The following VGLL4 variants were observed in gnomAD, a reference collection of about 807,000 sequenced individuals.
The protein encoded by VGLL4 is transcription cofactor vestigial-like protein 4.
A neutral mutation model predicts 21.0 loss-of-function variants in VGLL4; 7 were observed. That is an observed-to-expected ratio of 0.33 (90% CI 0.19 to 0.63). VGLL4 has a LOEUF of 0.63. VGLL4 is among the 20% of genes least tolerant of loss of function. The pLI, the probability that VGLL4 is intolerant of heterozygous loss-of-function variation, is 0.78. For synonymous variants in VGLL4, 222 were observed against 173.2 expected, an observed-to-expected ratio of 1.28 and a Z score of -2.21; for missense variants, 394 against 425.7, an observed-to-expected ratio of 0.93 and a Z score of 0.66.
intron 2 of VGLL4, among the ~76,000 whole-genome samples, chr3:11,656,821 G>A (rs1222052693): frequency 6.6e-6 from 1 of 152,172 alleles, no homozygotes; most frequent in East Asian, 1.9e-4. Flanking sequence ...GGCTCTCAGA[G>A]AAGCAAGATG....
intron 2 of VGLL4, among the ~76,000 whole-genome samples, chr3:11,596,626 C>T (rs1209428461): frequency 6.6e-6 from 1 of 152,172 alleles, no homozygotes. Flanking sequence ...CTAGAAACAG[C>T]ACTGTTCAAT....
chr3:11,675,224 C>T (rs933732576), intron 2 of VGLL4, among the ~76,000 whole-genome samples: 1 of 152,132 alleles, frequency 6.6e-6, no homozygotes, highest in Admixed American at 6.5e-5. Context: ...CGCCTGTAAT[C>T]CCAGCTACTC....
At chr3:11,694,259 T>C (rs937564602) in intron 2 of VGLL4, among the ~76,000 whole-genome samples, 5 of 152,234 alleles carry the variant, frequency 3.3e-5, no homozygotes, top group African/African-American at 1.2e-4. Flanking sequence ...CTGAATCAGA[T>C]GGCTAGGTGC....
At chr3:11,599,824 A>G (rs943598601) in intron 2 of VGLL4, among the ~76,000 whole-genome samples, 7 of 151,428 alleles carry the variant, frequency 4.6e-5, no homozygotes, top group African/African-American at 1.7e-4. Flanking sequence ...GCCTAGCCAC[A>G]AAATTATTTT....
At chr3:11,569,115 C>A (rs2073670437) in intron 2 of VGLL4, among the ~76,000 whole-genome samples, 1 of 152,216 alleles carries the variant, frequency 6.6e-6, no homozygotes, top group Non-Finnish European at 1.5e-5. Flanking sequence ...TTGAAAGAAT[C>A]CATCACGTGA....
chr3:11,671,236 T>C (rs570539253), intron 2 of VGLL4: 5 of 1,558,500 alleles, frequency 3.2e-6, no homozygotes, highest in East Asian at 4.5e-5. Context: ...ATTAAGAAAA[T>C]GTGAAAATCA....
chr3:11,673,517 T>C (rs2076245976), intron 2 of VGLL4, among the ~76,000 whole-genome samples: 1 of 150,768 alleles, frequency 6.6e-6, no homozygotes, highest in Non-Finnish European at 1.5e-5. Flanking sequence ...GAAGCTGAGA[T>C]ATGAAAATAT....
intron 1 of VGLL4, among the ~76,000 whole-genome samples, chr3:11,717,706 G>A (rs1032513374): frequency 1.3e-5 from 2 of 152,058 alleles, no homozygotes; most frequent in Admixed American, 1.3e-4. Context: ...AAAATCTTCA[G>A]ATAAAGTCAT....
chr3:11,672,286 C>T (rs1297814673), intron 2 of VGLL4, among the ~76,000 whole-genome samples: 1 of 152,182 alleles, frequency 6.6e-6, no homozygotes, highest in East Asian at 1.9e-4. Context: ...ATGCAAAAAT[C>T]TTTCAGACAC....
intron 2 of VGLL4, among the ~76,000 whole-genome samples, chr3:11,589,084 A>T (rs2074423881): frequency 6.6e-6 from 1 of 152,212 alleles, no homozygotes; most frequent in South Asian, 2.1e-4. Context: ...GGGCCACAGG[A>T]AGCAGGGGAG....
chr3:11,643,996 G>C, upstream of VGLL4: 1 of 990,298 alleles, frequency 1.0e-6, no homozygotes, highest in Non-Finnish European at 1.2e-6. Flanking sequence ...GCCGAGGCAG[G>C]GAGGGCTTCT....
chr3:11,694,241 A>C (rs747736088), intron 2 of VGLL4, among the ~76,000 whole-genome samples: 26 of 152,222 alleles, frequency 1.7e-4, no homozygotes, highest in Non-Finnish European at 2.5e-4. Context: ...ATTTGACATA[A>C]GCATCCTCTG....
rs543997626 is a variant in VGLL4 at position 11,572,302 on chromosome 3, T to G, written c.273-7283A>C. On this transcript the variant is annotated intron_variant, in intron 2 of 4. Transcript: ENST00000430365. Reference sequence around the variant, plus strand: ...TGAGCTTGAGAGAGGCTAAGTAACTTTTCTAAGTTTACAAAACTAGTACAA... The same window carrying G: ...TGAGCTTGAGAGAGGCTAAGTAACTGTTCTAAGTTTACAAAACTAGTACAA... 5.3e-5 allele frequency among the ~76,000 whole-genome samples: 8 copies of G among 152,318 alleles called. No homozygotes were observed. In the East Asian group the frequency reaches 1.3e-3, roughly 26 times the overall value.
chr3:11,577,593 C>A (rs192811626), intron 2 of VGLL4, among the ~76,000 whole-genome samples: 1 of 152,046 alleles, frequency 6.6e-6, no homozygotes, highest in Non-Finnish European at 1.5e-5. Context: ...ACCCCACCCC[C>A]CAAAAAAACT....
chr3:11,643,142 C>A lies in VGLL4; in HGVS notation c.82+295G>T, dbSNP rs529443817. 2.0e-5 allele frequency among the ~76,000 whole-genome samples: 3 copies of A among 152,240 alleles called. No individual in the cohort carries two copies. In the East Asian group the frequency reaches 5.8e-4, roughly 29 times the overall value. On this transcript the variant is annotated intron_variant, in intron 1 of 4. Coordinates refer to ENST00000430365, the MANE Select transcript of VGLL4 (RefSeq NM_001128219.3). ...CCCTAAAGACAATATTAACGGAAAT[C>A]AAAAATACATACATTTTAAAGAGTT...
intron 1 of VGLL4, among the ~76,000 whole-genome samples, chr3:11,639,803 G>A (rs981153783): frequency 2.0e-5 from 3 of 152,130 alleles, no homozygotes; most frequent in African/African-American, 7.2e-5. Context: ...TTGAACCCGG[G>A]AGGCAGAGGT....
intron 2 of VGLL4, among the ~76,000 whole-genome samples, chr3:11,694,664 C>T (rs1440817549): frequency 2.0e-5 from 3 of 151,466 alleles, no homozygotes; most frequent in Admixed American, 2.0e-4. Flanking sequence ...CAATATATAA[C>T]TGAGGCATTT....
At chr3:11,559,588 T>G in intron 3 of VGLL4, 133 bp from the exon 4 acceptor site, 1 of 1,316,110 alleles carries the variant, frequency 7.6e-7, no homozygotes, top group Non-Finnish European at 1.0e-6. Flanking sequence ...CCCACTTCAA[T>G]ACTGGAGTCC....
intron 1 of VGLL4, among the ~76,000 whole-genome samples, chr3:11,637,481 T>C (rs1441303487): frequency 6.6e-6 from 1 of 152,174 alleles, no homozygotes; most frequent in East Asian, 1.9e-4. Context: ...TATTAAGAGT[T>C]TGGAACGATC....
Sources: allele counts gnomAD v4.1 joint callset (sites outside exome capture counted in the v4.1 genomes callset), GRCh38; gene constraint gnomAD v4.1.1; transcripts MANE v1.5; gene names NCBI Gene and HGNC (gene_info 2026-07-23, HGNC 2026-07-21).